The following IFT74 variants were observed in gnomAD, a reference collection of about 807,000 sequenced individuals.
IFT74 encodes the protein intraflagellar transport 74, also known as intraflagellar transport protein 74 homolog.
In IFT74, 92 loss-of-function variants were observed where a neutral mutation model predicts 96.7. The ratio of observed to expected loss-of-function variants is 0.95; its 90% CI spans 0.80 to 1.13. The LOEUF is 1.13. Ranked by LOEUF, IFT74 falls within the 50% of genes most tolerant of loss-of-function variation. The pLI is 0.00. For missense variants in IFT74, 811 were observed against 698.2 expected, an observed-to-expected ratio of 1.16 and a Z score of -1.82; for synonymous variants, 223 against 213.2, an observed-to-expected ratio of 1.05 and a Z score of -0.40.
chr9:27,055,306 T>G (rs1820110580), intron 16 of IFT74, among the ~76,000 whole-genome samples: 1 of 152,120 alleles, frequency 6.6e-6, no homozygotes, highest in Admixed American at 6.5e-5. Context: ...TGTGTCTTTA[T>G]CTCATAATAT....
upstream of IFT74, among the ~76,000 whole-genome samples, chr9:26,954,537 G>A (rs1266073855): frequency 6.6e-6 from 1 of 151,152 alleles, no homozygotes; most frequent in Admixed American, 6.6e-5. Context: ...TTAACAGATA[G>A]GAATAGTACA....
At chr9:27,014,171 C>T (rs971786049) in intron 10 of IFT74, among the ~76,000 whole-genome samples, 2 of 152,072 alleles carry the variant, frequency 1.3e-5, no homozygotes, top group Admixed American at 6.6e-5. Flanking sequence ...GCCAAGATCA[C>T]GCCACTGCAC....
chr9:26,949,639 G>A (rs147415088), intron 1 of IFT74, among the ~76,000 whole-genome samples: 2 of 152,180 alleles, frequency 1.3e-5, no homozygotes, highest in African/African-American at 2.4e-5. Context: ...AGCAGGGAAA[G>A]ATGAATAATC....
intron 7 of IFT74, among the ~76,000 whole-genome samples, chr9:26,989,613 A>T (rs1436806307): frequency 6.6e-6 from 1 of 152,162 alleles, no homozygotes; most frequent in South Asian, 2.1e-4. Flanking sequence ...TTTAGAACAC[A>T]AGAGAATTCA....
At chr9:27,049,959 A>G (rs1054633829) in intron 16 of IFT74, among the ~76,000 whole-genome samples, 3 of 152,236 alleles carry the variant, frequency 2.0e-5, no homozygotes, top group Admixed American at 6.5e-5. Context: ...TTAAACTGAT[A>G]TAGCCAAGTT....
chr9:26,961,585 A>T (rs1826362162), intron 1 of IFT74, among the ~76,000 whole-genome samples: 1 of 152,188 alleles, frequency 6.6e-6, no homozygotes, highest in Non-Finnish European at 1.5e-5. Context: ...CAAGATTCAG[A>T]ATATAAGAGT....
chr9:26,965,586 C>T (rs1304386341), intron 2 of IFT74, among the ~76,000 whole-genome samples: 1 of 152,032 alleles, frequency 6.6e-6, no homozygotes, highest in Non-Finnish European at 1.5e-5. Flanking sequence ...AAGAATCTGA[C>T]ATTTATTGGC....
At chr9:27,034,809 C>T (rs1360222811) in intron 13 of IFT74, among the ~76,000 whole-genome samples, 1 of 152,216 alleles carries the variant, frequency 6.6e-6, no homozygotes, top group Non-Finnish European at 1.5e-5. Context: ...GGATTACAGG[C>T]GTGAGCCACC....
intron 11 of IFT74, among the ~76,000 whole-genome samples, chr9:27,018,206 G>A (rs1829436922): frequency 6.6e-6 from 1 of 152,120 alleles, no homozygotes; most frequent in Admixed American, 6.5e-5. Context: ...TTTATTGCTT[G>A]TCAATGATAT....
chr9:27,042,661 T>C (rs1261442483), intron 13 of IFT74, among the ~76,000 whole-genome samples: 1 of 152,152 alleles, frequency 6.6e-6, no homozygotes, highest in Non-Finnish European at 1.5e-5. Context: ...GATAAGATGA[T>C]AGTTAAATCC....
intron 1 of IFT74, among the ~76,000 whole-genome samples, chr9:26,950,470 G>GTCACT (rs988540215): frequency 2.6e-5 from 4 of 152,222 alleles, no homozygotes; most frequent in Admixed American, 2.0e-4. Context: ...GGGGTGGGGG[G>GTCACT]TCACTTTTCC....
At chr9:26,947,409 C>T (rs952279251) in intron 1 of IFT74, 1 of 210,604 alleles carries the variant, frequency 4.7e-6, no homozygotes, top group African/African-American at 2.3e-5. Flanking sequence ...GACGCCTGAC[C>T]CTGGGGTCCT....
intron 4 of IFT74, 40 bp from the exon 5 acceptor site, chr9:26,984,217 A>T (rs950644553): frequency 1.3e-5 from 20 of 1,487,704 alleles, no homozygotes; most frequent in Non-Finnish European, 1.8e-5. Context: ...AGTTTTCTGG[A>T]TTAAAAGTAT....
intron 6 of IFT74, among the ~76,000 whole-genome samples, chr9:26,985,096 A>G (rs1827578781): frequency 6.6e-6 from 1 of 152,236 alleles, no homozygotes; most frequent in African/African-American, 2.4e-5. Flanking sequence ...AAAATGTGGT[A>G]CCTATACCAT....
intron 18 of IFT74, among the ~76,000 whole-genome samples, chr9:27,058,377 CT>C (rs1488904079): frequency 1.3e-5 from 2 of 152,110 alleles, no homozygotes; most frequent in African/African-American, 4.8e-5. Context: ...GCATGAGCCA[CT>C]GTGCTTAGCC....
At chr9:27,021,226 C>T (rs950681646) in intron 12 of IFT74, among the ~76,000 whole-genome samples, 1 of 152,008 alleles carries the variant, frequency 6.6e-6, no homozygotes, top group Non-Finnish European at 1.5e-5. Flanking sequence ...TCTTTATTCA[C>T]TTGTTGATTG....
chr9:27,054,776 A>G (rs764716319), intron 16 of IFT74, among the ~76,000 whole-genome samples: 4 of 152,180 alleles, frequency 2.6e-5, no homozygotes, highest in Non-Finnish European at 1.5e-5. Context: ...GTCAGTTCTC[A>G]TACTATAAAG....
intron 12 of IFT74, among the ~76,000 whole-genome samples, chr9:27,018,892 A>T (rs1037412613): frequency 4.4e-4 from 67 of 152,178 alleles, no homozygotes; most frequent in African/African-American, 1.4e-3. Flanking sequence ...GACATATTTA[A>T]TGTAAACAAT....
intron 12 of IFT74, among the ~76,000 whole-genome samples, chr9:27,028,156 A>G (rs1219844230): frequency 6.6e-6 from 1 of 152,190 alleles, no homozygotes; most frequent in Non-Finnish European, 1.5e-5. Context: ...ATTGATATAT[A>G]TGTCTATCCC....
Sources: allele counts gnomAD v4.1 joint callset (sites outside exome capture counted in the v4.1 genomes callset), GRCh38; gene constraint gnomAD v4.1.1; transcripts MANE v1.5; gene names NCBI Gene and HGNC (gene_info 2026-07-23, HGNC 2026-07-21).